The following P4HA3 variants were observed in gnomAD, a reference collection of about 807,000 sequenced individuals.
The protein encoded by P4HA3 is prolyl 4-hydroxylase subunit alpha-3.
P4HA3 carries 60 observed loss-of-function variants against 66.7 expected under a neutral mutation model. The ratio of observed to expected loss-of-function variants is 0.90; its 90% CI spans 0.73 to 1.12. The LOEUF is 1.12. Among genes scored for constraint, P4HA3 ranks in the 50% most tolerant of loss-of-function variants. The probability of loss-of-function intolerance (pLI) is 0.00; values close to 1 mark genes in which losing one functional copy is unlikely to be tolerated. For missense variants in P4HA3, 683 were observed against 685.8 expected, an observed-to-expected ratio of 1.00 and a Z score of 0.05; for synonymous variants, 263 against 274.6, an observed-to-expected ratio of 0.96 and a Z score of 0.42.
At chr11:74,299,683 AC>A (rs1287119418) in intron 3 of P4HA3, among the ~76,000 whole-genome samples, 145 of 148,290 alleles carry the variant, frequency 9.8e-4, no homozygotes, top group Admixed American at 2.7e-3. Context: ...AAAAAAAAAA[AC>A]AACAGAAAAT....
intron 1 of P4HA3, 29 bp from the exon 2 acceptor site, chr11:74,304,441 C>T (rs1861515461): frequency 6.2e-7 from 1 of 1,612,304 alleles, no homozygotes; most frequent in Non-Finnish European, 8.5e-7. Flanking sequence ...ATGATCTCAC[C>T]TCCTGATACA....
chr11:74,269,603 A>C, intron 11 of P4HA3, 49 bp downstream of exon 11: 1 of 1,564,672 alleles, frequency 6.4e-7, no homozygotes, highest in South Asian at 1.1e-5. Context: ...TTAGAGGGTA[A>C]GCGCTGCACT....
At chr11:74,261,831 A>C (rs1339953075), downstream of P4HA3, among the ~76,000 whole-genome samples, 3 of 152,132 alleles carry the variant, frequency 2.0e-5, no homozygotes, top group Non-Finnish European at 2.9e-5. Context: ...ATACCATCAA[A>C]TATTGGTACC....
Position 74,277,106 on chromosome 11 carries a change from G to T in P4HA3, c.1214C>A (p.Thr405Asn). The stretch of plus-strand genomic sequence containing the variant: ...GAGGGCAGCAATGCGGTGGTTGAGG[G>T]TCACCAGTTTTGGGTCAACAGTGTC... ...LKDTVDPKLV[T>N]LNHRIAALTG... is the part of the protein sequence containing the mutation. The change falls in exon 9 of 13, where the codon ACC becomes AAC. Residue 405 changes from threonine (T) to asparagine (N), a missense_variant. Physicochemically the swap from Thr to Asn is moderately conservative, Grantham distance 65. Transcript: ENST00000331597. 3.1e-6 allele frequency: 5 copies of T among 1,614,028 alleles called. No individual in the cohort carries two copies. Among genetic ancestry groups the T allele is most frequent in the Non-Finnish European group, 4.2e-6 (5 of 1,179,968 alleles).
At chr11:74,263,912 T>C (rs890436483), downstream of P4HA3, among the ~76,000 whole-genome samples, 1 of 151,912 alleles carries the variant, frequency 6.6e-6, no homozygotes, top group Non-Finnish European at 1.5e-5. Flanking sequence ...CACTTGAGCT[T>C]AGGAGTTCGA....
intron 15 of P4HA3, chr11:74,256,050 GAC>G (rs1221769921): frequency 4.3e-6 from 2 of 464,876 alleles, no homozygotes; most frequent in Non-Finnish European, 8.8e-6. Context: ...TAATTCACTT[GAC>G]ACACATCTCA....
In P4HA3 at chr11:74,267,292, C is replaced by T. The variant is rs951184111; in HGVS notation, c.1591G>A (p.Gly531Arg). The T allele has an allele frequency of 1.9e-6, 3 of 1,614,212 alleles. No homozygotes were observed. The highest frequency in any genetic ancestry group is 2.5e-6 in the Non-Finnish European group (3 of 1,180,036). Residue 531 changes from glycine to arginine, a missense_variant, in exon 13 of 13, where the codon GGA becomes AGA. By Grantham distance (125) the Gly-to-Arg change is moderately radical. Coordinates refer to ENST00000331597, the MANE Select transcript of P4HA3 (RefSeq NM_182904.5). ...CTGCAGGGTCTGCGGAATTCCTGTC[C>T]ATACTCATGTATCCACTTGTTGGCC... ...WVANKWIHEY[G>R]QEFRRPCSSS... is the part of the protein sequence containing the mutation.
intron 1 of P4HA3, among the ~76,000 whole-genome samples, chr11:74,306,681 G>C (rs887907172): frequency 6.6e-6 from 1 of 152,184 alleles, no homozygotes; most frequent in African/African-American, 2.4e-5. Flanking sequence ...TTGGAGCAGA[G>C]TCTTATCTGA....
At chr11:74,274,595 G>A (rs1015493420) in intron 9 of P4HA3, among the ~76,000 whole-genome samples, 1 of 152,020 alleles carries the variant, frequency 6.6e-6, no homozygotes, top group African/African-American at 2.4e-5. Context: ...TTACAGGCAT[G>A]AGCCACCGTG....
intron 6 of P4HA3, 34 bp downstream of exon 6, chr11:74,286,194 C>G: frequency 6.2e-7 from 1 of 1,602,952 alleles, no homozygotes; most frequent in South Asian, 1.1e-5. Context: ...CTAGCCAGGC[C>G]TCTCCCCCTT....
At position 74,277,051 on chromosome 11, in the gene P4HA3, T is replaced by C. The variant is rs113656697; in HGVS notation, c.1269A>G (p.Ala423=). 1 of 1,614,052 alleles carries C rather than the reference T, an allele frequency of 6.2e-7. No individual in the cohort carries two copies. The highest frequency in any genetic ancestry group is 8.5e-7 in the Non-Finnish European group (1 of 1,179,994). Residue 423 remains alanine (A), a synonymous_variant, in exon 9 of 13, where the codon GCA becomes GCG. Coordinates refer to ENST00000331597, the MANE Select transcript of P4HA3 (RefSeq NM_182904.5). ...LTGLDVRPPY[A]EYLQVVNYGI... is the part of the protein sequence containing the mutation. ...CATAGTTCACCACCTGCAGATACTC[T>C]GCATAGGGAGGCCGGACATCAAGGC...
chr11:74,265,884 T>C (rs1045982566), downstream of P4HA3, among the ~76,000 whole-genome samples: 1 of 152,212 alleles, frequency 6.6e-6, no homozygotes, highest in African/African-American at 2.4e-5. Flanking sequence ...GCACTTCCCC[T>C]GCAAGGAAGG....
In P4HA3 at chr11:74,304,374, G is replaced by A. The variant is rs371295577; in HGVS notation, c.239C>T (p.Thr80Ile). The change falls in exon 2 of 13, where the codon ACA becomes ATA. Residue 80 changes from threonine to isoleucine, a missense_variant. Coordinates refer to ENST00000331597, the MANE Select transcript of P4HA3 (RefSeq NM_182904.5). ...AAGCAGAGGGTTAGCCACAGGGGTTGTTGAATCCTCATGCAAAGAAAGTAC... is the reference window on the plus strand; with the variant it reads ...AAGCAGAGGGTTAGCCACAGGGGTTATTGAATCCTCATGCAAAGAAAGTAC... ...DKVLSLHEDS[T>I]TPVANPLLAF... 2.5e-6 allele frequency: 4 copies of A among 1,614,028 alleles called. No individual in the cohort carries two copies. The African/African-American group carries it at 4.0e-5, about 16-fold the overall frequency.
intron 4 of P4HA3, among the ~76,000 whole-genome samples, chr11:74,291,595 C>A (rs1325780215): frequency 1.3e-5 from 2 of 152,124 alleles, no homozygotes; most frequent in Non-Finnish European, 2.9e-5. Context: ...TCATAGACAG[C>A]TCTTATTATT....
chr11:74,270,330 C>A (rs1434679252), intron 10 of P4HA3, among the ~76,000 whole-genome samples: 1 of 152,160 alleles, frequency 6.6e-6, no homozygotes, highest in South Asian at 2.1e-4. Flanking sequence ...GCATATTCTC[C>A]AGATCACTCT....
intron 15 of P4HA3, chr11:74,251,864 GTCTGTT>G (rs769725990): frequency 1.0e-6 from 1 of 995,366 alleles, no homozygotes; most frequent in South Asian, 1.3e-5. Context: ...AGCCTGGCAT[GTCTGTT>G]TCTACAAAGC....
At chr11:74,296,504 G>A (rs1861217536) in intron 4 of P4HA3, among the ~76,000 whole-genome samples, 1 of 152,200 alleles carries the variant, frequency 6.6e-6, no homozygotes, top group South Asian at 2.1e-4. Flanking sequence ...TATGTGTTCT[G>A]TTACTGGGGA....
intron 4 of P4HA3, among the ~76,000 whole-genome samples, chr11:74,297,291 A>T (rs1861253314): frequency 6.6e-6 from 1 of 152,186 alleles, no homozygotes. Flanking sequence ...TCCATTCGCC[A>T]GGAACTTCCA....
At position 74,285,917 on chromosome 11, in the gene P4HA3, G is replaced by A. The variant is rs763871014; in HGVS notation, c.1002C>T (p.Leu334=). 2 of 1,612,412 alleles carry A rather than the reference G, an allele frequency of 1.2e-6. No individual in the cohort carries two copies. The highest frequency in any genetic ancestry group is 2.2e-5 in the South Asian group (2 of 91,046). ...GGATGACCTCCTTCCGGATGGGCTG[G>A]AGCAGCAGGTAGGCGTTGGAATTGG... is the stretch of plus-strand genomic sequence containing the variant. ...YETNSNAYLL[L]QPIRKEVIHL... is the part of the protein sequence containing the mutation. The change falls in exon 7 of 13, where the codon CTC becomes CTT. Residue 334 remains leucine, a synonymous_variant. Coordinates refer to ENST00000331597, the MANE Select transcript of P4HA3 (RefSeq NM_182904.5).
Sources: allele counts gnomAD v4.1 joint callset (sites outside exome capture counted in the v4.1 genomes callset), GRCh38; gene constraint gnomAD v4.1.1; transcripts MANE v1.5; gene names NCBI Gene and HGNC (gene_info 2026-07-23, HGNC 2026-07-21).